Variants in KCTD16 observed in about 807,000 individuals in gnomAD.
KCTD16 encodes BTB/POZ domain-containing protein KCTD16.
A neutral mutation model predicts 33.2 loss-of-function variants in KCTD16; 13 were observed. The observed-to-expected ratio is 0.39, with a 90% CI of 0.25 to 0.62. The LOEUF is 0.62. KCTD16 is among the 20% of genes least tolerant of loss of function. The pLI, the probability that KCTD16 is intolerant of heterozygous loss-of-function variation, is 0.50. For synonymous variants in KCTD16, 197 were observed against 195.3 expected, an observed-to-expected ratio of 1.01 and a Z score of -0.07; for missense variants, 441 against 525.1, an observed-to-expected ratio of 0.84 and a Z score of 1.57.
At position 144,179,452 on chromosome 5, in the gene KCTD16, C is replaced by G. The variant is rs114951572; in HGVS notation, c.-327+4980C>G. Among the ~76,000 whole-genome samples, 618 of 152,304 alleles carry G rather than the reference C, an allele frequency of 4.1e-3. 2 individuals carry two copies. The highest frequency in any genetic ancestry group is 0.014 in the African/African-American group (600 of 41,550). ...CTCCTGAGTGTAACCACTATGTATCCCTGCATGCGTGCAGGCTCCTCTCTC... is the reference window on the plus strand; with the variant it reads ...CTCCTGAGTGTAACCACTATGTATCGCTGCATGCGTGCAGGCTCCTCTCTC... On this transcript the variant is annotated intron_variant, in intron 2 of 3. Coordinates refer to ENST00000512467, the MANE Select transcript of KCTD16 (RefSeq NM_020768.4).
chr5:144,392,130 G>A (rs980487134), intron 3 of KCTD16, among the ~76,000 whole-genome samples: 1 of 152,172 alleles, frequency 6.6e-6, no homozygotes, highest in African/African-American at 2.4e-5. Context: ...CAAACGGTGT[G>A]GGAGAGAGAT....
intron 3 of KCTD16, among the ~76,000 whole-genome samples, chr5:144,394,465 T>C (rs1480377231): frequency 1.3e-5 from 2 of 152,212 alleles, no homozygotes; most frequent in Non-Finnish European, 2.9e-5. Flanking sequence ...ATAGTTGTTC[T>C]CTGAAAACTG....
chr5:144,456,400 T>C (rs1440520307), intron 3 of KCTD16, among the ~76,000 whole-genome samples: 2 of 152,182 alleles, frequency 1.3e-5, no homozygotes, highest in Non-Finnish European at 2.9e-5. Flanking sequence ...CTCACTAAGC[T>C]ATGTACTCTT....
At chr5:144,356,531 A>G (rs921409614) in intron 3 of KCTD16, among the ~76,000 whole-genome samples, 12 of 152,112 alleles carry the variant, frequency 7.9e-5, no homozygotes, top group African/African-American at 2.9e-4. Context: ...CTTGAATTTC[A>G]GTGCTGGGTT....
At chr5:144,186,146 T>C (rs1232407349) in intron 2 of KCTD16, among the ~76,000 whole-genome samples, 2 of 152,152 alleles carry the variant, frequency 1.3e-5, no homozygotes, top group Non-Finnish European at 2.9e-5. Flanking sequence ...TTGTCACATA[T>C]GGAAACTGTG....
At chr5:144,240,463 G>A (rs1025201168) in intron 3 of KCTD16, among the ~76,000 whole-genome samples, 1 of 152,048 alleles carries the variant, frequency 6.6e-6, no homozygotes. Flanking sequence ...CAGAGTCCCT[G>A]TATTACCCTT....
At chr5:144,445,406 T>C (rs957943525) in intron 3 of KCTD16, among the ~76,000 whole-genome samples, 2 of 152,068 alleles carry the variant, frequency 1.3e-5, no homozygotes, top group Non-Finnish European at 2.9e-5. Flanking sequence ...TTTATGTGCA[T>C]GTCATTCTGG....
Position 144,218,269 on chromosome 5 carries a change from AAGATAGTG to A in KCTD16, c.832+10730_832+10737del, listed in dbSNP as rs143257276. On this transcript the variant is annotated intron_variant, in intron 3 of 3. Coordinates refer to ENST00000512467, the MANE Select transcript of KCTD16 (RefSeq NM_020768.4). Reference sequence around the variant, plus strand: ...TGATGAGGAAGTGTAAACTGATATGAAGATAGTGAGATAGCTCCTAGTCTGTACTTGGG... The same window carrying A: ...TGATGAGGAAGTGTAAACTGATATGAAGATAGCTCCTAGTCTGTACTTGGG... 4.5e-3 allele frequency among the ~76,000 whole-genome samples: 693 copies of A among 152,314 alleles called. 7 individuals are homozygous for A. The highest frequency in any genetic ancestry group is 0.016 in the African/African-American group (673 of 41,564).
intron 3 of KCTD16, among the ~76,000 whole-genome samples, chr5:144,369,694 T>C (rs961634028): frequency 6.6e-6 from 1 of 152,148 alleles, no homozygotes; most frequent in Non-Finnish European, 1.5e-5. Context: ...TAAAAGATGT[T>C]AGGGATTTTC....
intron 2 of KCTD16, among the ~76,000 whole-genome samples, chr5:144,177,284 G>T (rs1752528503): frequency 6.6e-6 from 1 of 152,210 alleles, no homozygotes; most frequent in East Asian, 1.9e-4. Context: ...TTATTGGTAA[G>T]AAGGAACATT....
intron 3 of KCTD16, among the ~76,000 whole-genome samples, chr5:144,326,071 T>C (rs1319294031): frequency 6.6e-6 from 1 of 152,178 alleles, no homozygotes; most frequent in Admixed American, 6.6e-5. Context: ...TTATGTAAAA[T>C]GTAAAATGTC....
intron 3 of KCTD16, among the ~76,000 whole-genome samples, chr5:144,280,736 A>G (rs943993130): frequency 2.0e-5 from 3 of 152,226 alleles, no homozygotes; most frequent in African/African-American, 7.2e-5. Flanking sequence ...CATCCTGGCT[A>G]ACATGGTGAA....
chr5:144,210,392 A>G (rs1182758976), intron 3 of KCTD16, among the ~76,000 whole-genome samples: 3 of 152,196 alleles, frequency 2.0e-5, no homozygotes, highest in Non-Finnish European at 4.4e-5. Flanking sequence ...ACTTATATGC[A>G]ACTAAAAGAG....
At chr5:144,327,077 G>C (rs150943706) in intron 3 of KCTD16, among the ~76,000 whole-genome samples, 1 of 152,108 alleles carries the variant, frequency 6.6e-6, no homozygotes, top group Non-Finnish European at 1.5e-5. Context: ...ACTATTTACC[G>C]CTGGAAGCTA....
At chr5:144,300,064 G>C (rs1751388523) in intron 3 of KCTD16, among the ~76,000 whole-genome samples, 1 of 152,048 alleles carries the variant, frequency 6.6e-6, no homozygotes, top group Non-Finnish European at 1.5e-5. Context: ...AACCAGTTGA[G>C]CCTAGTAGCT....
intron 3 of KCTD16, among the ~76,000 whole-genome samples, chr5:144,380,710 A>G (rs1054272909): frequency 6.6e-6 from 1 of 152,170 alleles, no homozygotes; most frequent in African/African-American, 2.4e-5. Context: ...ACAACAAGCA[A>G]TGGGGGAAAG....
chr5:144,219,333 C>T (rs955450144), intron 3 of KCTD16, among the ~76,000 whole-genome samples: 2 of 151,972 alleles, frequency 1.3e-5, no homozygotes, highest in South Asian at 4.1e-4. Flanking sequence ...CCTGCCTCAG[C>T]CTCCCGTGTA....
At position 144,475,341 on chromosome 5, in the gene KCTD16, T is replaced by C. The variant is rs1425815933; in HGVS notation, c.*1227T>C. The C allele has an allele frequency of 6.6e-6, 1 of 152,262 alleles. No homozygotes were observed. Among genetic ancestry groups the C allele is most frequent in the Non-Finnish European group, 1.5e-5 (1 of 68,042 alleles). The allele number at this position is 152,262 out of a possible 1,614,324, so 9.4% of individuals were successfully genotyped here. On this transcript the variant is annotated 3_prime_UTR_variant, in exon 4 of 4. Coordinates refer to ENST00000512467, the MANE Select transcript of KCTD16 (RefSeq NM_020768.4). ...CTTTGGCTGTGCCCATGCTAGGATT[T>C]AGCTGTGTCATTTTTATGATGTCTG...
intron 3 of KCTD16, among the ~76,000 whole-genome samples, chr5:144,434,172 C>A (rs978440210): frequency 1.3e-5 from 2 of 152,102 alleles, no homozygotes; most frequent in Non-Finnish European, 2.9e-5. Context: ...GTTGTTAAAT[C>A]TTTATTGTTC....
Sources: gnomAD v4.1 joint callset for allele counts (sites outside exome capture counted in the v4.1 genomes callset) on GRCh38, gnomAD v4.1.1 for gene constraint, MANE v1.5 for transcripts, NCBI Gene and HGNC (gene_info 2026-07-23, HGNC 2026-07-21) for gene names.